NRG1: variants seen among roughly 807,000 people sequenced by gnomAD.
NRG1 encodes pro-neuregulin-1, membrane-bound isoform.
In NRG1, 18 loss-of-function variants were observed where a neutral mutation model predicts 63.8. The ratio of observed to expected loss-of-function variants is 0.28; its 90% CI spans 0.19 to 0.42. The LOEUF (loss-of-function observed/expected upper bound fraction) is 0.42, where lower values mean the gene tolerates loss of function less well. NRG1 is among the 10% of genes least tolerant of loss of function. The pLI is 1.00. For missense variants in NRG1, 762 were observed against 814.7 expected (o/e 0.94, Z 0.79); for synonymous variants, 302 against 301.3 (o/e 1.00, Z -0.02).
chr8:32,374,430 G>A (rs1433607213), intron 1 of NRG1, among the ~76,000 whole-genome samples: 1 of 152,180 alleles, frequency 6.6e-6, no homozygotes, highest in Non-Finnish European at 1.5e-5. Flanking sequence ...GATGTTTAGA[G>A]AACCTGGTAG....
intron 5 of NRG1, among the ~76,000 whole-genome samples, chr8:32,695,451 A>T (rs1813040417): frequency 6.6e-6 from 1 of 152,184 alleles, no homozygotes; most frequent in Non-Finnish European, 1.5e-5. Context: ...AACTTGAGAA[A>T]AGCAATGTAC....
chr8:32,475,659 G>A (rs1824432303), intron 1 of NRG1, among the ~76,000 whole-genome samples: 1 of 151,782 alleles, frequency 6.6e-6, no homozygotes, highest in South Asian at 2.1e-4. Flanking sequence ...TGATCCCCCT[G>A]CCTCACCTAC....
intron 6 of NRG1, among the ~76,000 whole-genome samples, chr8:32,731,551 G>A (rs1823669856): frequency 6.6e-6 from 1 of 152,072 alleles, no homozygotes; most frequent in African/African-American, 2.4e-5. Flanking sequence ...ATTAAAGCAA[G>A]CCAGAACCTT....
intron 5 of NRG1, among the ~76,000 whole-genome samples, chr8:32,692,666 C>T (rs1812088708): frequency 1.3e-5 from 2 of 152,170 alleles, no homozygotes; most frequent in Admixed American, 1.3e-4. Context: ...TGAGCTTTCT[C>T]TTTTAAGTAG....
intron 1 of NRG1, among the ~76,000 whole-genome samples, chr8:32,540,543 A>T (rs1042357587): frequency 6.6e-6 from 1 of 152,244 alleles, no homozygotes; most frequent in Non-Finnish European, 1.5e-5. Context: ...GAACTTGAAG[A>T]CACAAATCTC....
At chr8:31,880,057 A>G (rs979685567) in intron 1 of NRG1, among the ~76,000 whole-genome samples, 4 of 152,172 alleles carry the variant, frequency 2.6e-5, no homozygotes, top group Non-Finnish European at 5.9e-5. Flanking sequence ...GTTGCAGAGA[A>G]AAGAGAACCC....
chr8:32,166,026 TA>T (rs1839362275), intron 1 of NRG1, among the ~76,000 whole-genome samples: 1 of 152,128 alleles, frequency 6.6e-6, no homozygotes, highest in Non-Finnish European at 1.5e-5. Flanking sequence ...TTACCTTAGG[TA>T]AAGATTTTGA....
intron 1 of NRG1, among the ~76,000 whole-genome samples, chr8:32,364,957 C>CTGTTTTTTT (rs1807747575): frequency 9.2e-6 from 1 of 108,462 alleles, no homozygotes; most frequent in Non-Finnish European, 1.8e-5. Flanking sequence ...CCCTTTACTA[C>CTGTTTTTTT]TTTTTTTTTT....
intron 1 of NRG1, among the ~76,000 whole-genome samples, chr8:32,088,829 G>A (rs532068892): frequency 1.6e-4 from 24 of 151,892 alleles, no homozygotes; most frequent in African/African-American, 4.8e-4. Context: ...AGGTCATCAC[G>A]TTTAGCCTCT....
chr8:32,510,335 A>G lies in NRG1; in HGVS notation c.38-85493A>G, dbSNP rs887976826. On this transcript the variant is annotated intron_variant, in intron 1 of 10. Transcript: ENST00000519301. ...CATGTTTGTGCTGCTGCACTCTAGC[A>G]TAGGTAACATAGGGAGACCCTGTTT... Among the ~76,000 whole-genome samples, 5 of 151,850 alleles carry G rather than the reference A, an allele frequency of 3.3e-5. No individual in the cohort carries two copies. The East Asian group carries it at 5.8e-4, about 18-fold the overall frequency.
intron 1 of NRG1, among the ~76,000 whole-genome samples, chr8:32,318,844 C>G (rs1022915822): frequency 1.1e-4 from 17 of 152,240 alleles, no homozygotes; most frequent in African/African-American, 4.1e-4. Context: ...ATTAATCCCA[C>G]GTTTTCCCTG....
chr8:32,348,350 G>A (rs1205911694), intron 1 of NRG1, among the ~76,000 whole-genome samples: 1 of 151,918 alleles, frequency 6.6e-6, no homozygotes, highest in East Asian at 1.9e-4. Context: ...ATTCCATCCT[G>A]TCTCTCTTCT....
At chr8:32,474,124 G>A (rs981384135) in intron 1 of NRG1, among the ~76,000 whole-genome samples, 1 of 152,202 alleles carries the variant, frequency 6.6e-6, no homozygotes, top group Non-Finnish European at 1.5e-5. Flanking sequence ...GCAGAGTACA[G>A]CACTCATATA....
intron 1 of NRG1, among the ~76,000 whole-genome samples, chr8:31,950,497 G>T (rs577400792): frequency 6.6e-6 from 1 of 152,316 alleles, no homozygotes; most frequent in East Asian, 1.9e-4. Context: ...AAACAAACAG[G>T]TGAGCACCAG....
At chr8:32,274,664 G>GACAGTTTTCT (rs1851901917) in intron 1 of NRG1, among the ~76,000 whole-genome samples, 4 of 152,188 alleles carry the variant, frequency 2.6e-5, no homozygotes, top group African/African-American at 9.6e-5. Flanking sequence ...CTAGCCACCT[G>GACAGTTTTCT]AGTCTTCAGA....
chr8:32,773,307 C>G (rs1831919624), intron 7 of NRG1, among the ~76,000 whole-genome samples: 1 of 152,100 alleles, frequency 6.6e-6, no homozygotes, highest in Non-Finnish European at 1.5e-5. Context: ...GGATTCTGCT[C>G]TGTTTGCCTG....
chr8:32,044,922 A>AAAAAC (rs1820739030), intron 1 of NRG1, among the ~76,000 whole-genome samples: 1 of 148,252 alleles, frequency 6.7e-6, no homozygotes, highest in African/African-American at 2.4e-5. Context: ...GCAAAAAAAA[A>AAAAAC]AAAAAAAAAC....
At chr8:31,713,210 G>A (rs957161127) in intron 1 of NRG1, among the ~76,000 whole-genome samples, 12 of 143,510 alleles carry the variant, frequency 8.4e-5, no homozygotes, top group East Asian at 2.3e-4. Flanking sequence ...TCCACCTCCC[G>A]GGTTCACGCC....
chr8:31,858,124 C>G (rs758461501), intron 1 of NRG1, among the ~76,000 whole-genome samples: 4 of 152,042 alleles, frequency 2.6e-5, no homozygotes, highest in African/African-American at 4.8e-5. Context: ...ACAGTGAAAC[C>G]CTGTCTGTAC....
Sources: gnomAD v4.1 joint callset for allele counts (sites outside exome capture counted in the v4.1 genomes callset) on GRCh38, gnomAD v4.1.1 for gene constraint, MANE v1.5 for transcripts, NCBI Gene and HGNC (gene_info 2026-07-23, HGNC 2026-07-21) for gene names.